The following MSRA variants were observed in gnomAD, a reference collection of about 807,000 sequenced individuals.
MSRA encodes methionine sulfoxide reductase A.
MSRA carries 54 observed loss-of-function variants against 31.3 expected under a neutral mutation model. The observed-to-expected ratio is 1.73, with a 90% CI of 1.39 to 2.17. The LOEUF (loss-of-function observed/expected upper bound fraction) is 2.17, where lower values mean the gene tolerates loss of function less well. Ranked by LOEUF, MSRA falls within the 30% of genes most tolerant of loss-of-function variation. The probability of loss-of-function intolerance (pLI) is 0.00; values close to 1 mark genes in which losing one functional copy is unlikely to be tolerated. For missense variants in MSRA, 507 were observed against 300.9 expected, an observed-to-expected ratio of 1.69 and a Z score of -5.07; for synonymous variants, 169 against 116.5, an observed-to-expected ratio of 1.45 and a Z score of -2.90.
intron 1 of MSRA, among the ~76,000 whole-genome samples, chr8:10,204,794 A>G (rs1808800524): frequency 6.6e-6 from 1 of 152,070 alleles, no homozygotes; most frequent in Non-Finnish European, 1.5e-5. Flanking sequence ...CATTTACCTC[A>G]CTCGTTAATT....
At chr8:10,343,074 C>T (rs950686986) in intron 5 of MSRA, among the ~76,000 whole-genome samples, 1 of 150,554 alleles carries the variant, frequency 6.6e-6, no homozygotes, top group African/African-American at 2.5e-5. Flanking sequence ...CACACACACA[C>T]ATTTTAGCTT....
intron 1 of MSRA, among the ~76,000 whole-genome samples, chr8:10,061,161 T>G (rs927490143): frequency 4.6e-5 from 7 of 152,306 alleles, no homozygotes; most frequent in African/African-American, 1.7e-4. Flanking sequence ...CCCAGTCTTT[T>G]TCTCCACTGT....
intron 2 of MSRA, among the ~76,000 whole-genome samples, chr8:10,228,299 G>C (rs961020737): frequency 1.3e-5 from 2 of 152,156 alleles, no homozygotes; most frequent in Non-Finnish European, 2.9e-5. Flanking sequence ...AAGAGGCCAG[G>C]GAGCCGTGGA....
At chr8:10,202,194 C>T (rs896758453) in intron 1 of MSRA, among the ~76,000 whole-genome samples, 4 of 152,202 alleles carry the variant, frequency 2.6e-5, no homozygotes, top group Admixed American at 6.5e-5. Context: ...TGAACCTATA[C>T]GAAGGGTTTA....
chr8:10,312,637 C>A (rs1291180907), intron 4 of MSRA, among the ~76,000 whole-genome samples: 1 of 152,104 alleles, frequency 6.6e-6, no homozygotes, highest in East Asian at 1.9e-4. Flanking sequence ...ACTATATTTG[C>A]AGAAATCCTA....
intron 1 of MSRA, among the ~76,000 whole-genome samples, chr8:10,102,315 T>G (rs1028141488): frequency 6.6e-6 from 1 of 152,216 alleles, no homozygotes; most frequent in Non-Finnish European, 1.5e-5. Context: ...TGATACTGAT[T>G]ATTTTTTAAG....
chr8:10,354,770 A>G (rs1217131568), intron 5 of MSRA, among the ~76,000 whole-genome samples: 2 of 148,520 alleles, frequency 1.3e-5, no homozygotes, highest in African/African-American at 4.9e-5. Flanking sequence ...ATATATATAT[A>G]TATATATACC....
chr8:10,088,395 C>T (rs150338342), intron 1 of MSRA, among the ~76,000 whole-genome samples: 7 of 152,306 alleles, frequency 4.6e-5, no homozygotes, highest in African/African-American at 1.7e-4. Context: ...ATGTATGCTG[C>T]AGCATTATTG....
intron 2 of MSRA, among the ~76,000 whole-genome samples, chr8:10,219,651 A>G (rs1388136640): frequency 6.6e-6 from 1 of 151,752 alleles, no homozygotes. Context: ...CTAAAAATAC[A>G]AAAAATTAGC....
At chr8:10,407,725 A>G (rs554414070) in intron 5 of MSRA, among the ~76,000 whole-genome samples, 2 of 152,320 alleles carry the variant, frequency 1.3e-5, no homozygotes, top group African/African-American at 4.8e-5. Context: ...ATGGTGGGGC[A>G]CAGAGTGAGG....
At chr8:10,256,041 A>G (rs969832206) in intron 3 of MSRA, among the ~76,000 whole-genome samples, 3 of 152,102 alleles carry the variant, frequency 2.0e-5, no homozygotes, top group Admixed American at 6.5e-5. Context: ...ATGTTCTGAC[A>G]TGTATAATGA....
intron 5 of MSRA, among the ~76,000 whole-genome samples, chr8:10,347,687 G>A (rs1803870559): frequency 1.3e-5 from 2 of 152,138 alleles, no homozygotes; most frequent in Admixed American, 1.3e-4. Context: ...CCCTTCTGTG[G>A]CCTCGCATGT....
At chr8:10,208,511 A>G (rs1809206613) in intron 2 of MSRA, among the ~76,000 whole-genome samples, 1 of 152,056 alleles carries the variant, frequency 6.6e-6, no homozygotes, top group African/African-American at 2.4e-5. Flanking sequence ...GCCTCATGTC[A>G]TCTAAACTTC....
chr8:10,326,383 C>A (rs917734406), intron 5 of MSRA: 1 of 152,154 alleles, frequency 6.6e-6, no homozygotes, highest in African/African-American at 2.4e-5. Flanking sequence ...TGGTTTTCTG[C>A]AAAGTTGGCT....
chr8:10,062,036 G>C (rs960761590), intron 1 of MSRA, among the ~76,000 whole-genome samples: 1 of 152,224 alleles, frequency 6.6e-6, no homozygotes, highest in Non-Finnish European at 1.5e-5. Flanking sequence ...CTGAGGCAAG[G>C]AGTGGGAGCC....
At chr8:10,087,557 C>T (rs950580288) in intron 1 of MSRA, among the ~76,000 whole-genome samples, 1 of 152,136 alleles carries the variant, frequency 6.6e-6, no homozygotes, top group East Asian at 1.9e-4. Context: ...TCTAAATTTC[C>T]AGAGGGAGAG....
intron 1 of MSRA, among the ~76,000 whole-genome samples, chr8:10,094,649 T>C (rs1327043562): frequency 6.6e-6 from 1 of 152,226 alleles, no homozygotes; most frequent in Admixed American, 6.5e-5. Flanking sequence ...ACGATGATTC[T>C]AGAATGTGGC....
chr8:10,351,420 A>T (rs1400558848), intron 5 of MSRA, among the ~76,000 whole-genome samples: 1 of 151,576 alleles, frequency 6.6e-6, no homozygotes, highest in African/African-American at 2.4e-5. Flanking sequence ...CGCCTAGCTA[A>T]TTTTTGTATT....
intron 1 of MSRA, among the ~76,000 whole-genome samples, chr8:10,070,965 G>A (rs939517084): frequency 2.0e-5 from 3 of 152,174 alleles, no homozygotes; most frequent in African/African-American, 7.2e-5. Context: ...GAACATTCAT[G>A]TCCAGGTTTT....
Sources: allele counts gnomAD v4.1 joint callset (sites outside exome capture counted in the v4.1 genomes callset), GRCh38; gene constraint gnomAD v4.1.1; transcripts MANE v1.5; gene names NCBI Gene and HGNC (gene_info 2026-07-23, HGNC 2026-07-21).